The following STEAP1B variants were observed in gnomAD, a reference collection of about 807,000 sequenced individuals.
STEAP1B encodes STEAP family protein MGC87042.
A neutral mutation model predicts 27.9 loss-of-function variants in STEAP1B; 13 were observed. That is an observed-to-expected ratio of 0.47 (90% CI 0.30 to 0.74). The LOEUF is 0.74. Among genes scored for constraint, STEAP1B ranks in the 30% least tolerant of loss-of-function variants. The probability of loss-of-function intolerance (pLI) is 0.06; values close to 1 mark genes in which losing one functional copy is unlikely to be tolerated. For missense variants in STEAP1B, 250 were observed against 298.7 expected, an observed-to-expected ratio of 0.84 and a Z score of 1.20; for synonymous variants, 86 against 107.1, an observed-to-expected ratio of 0.80 and a Z score of 1.22.
intron 4 of STEAP1B, among the ~76,000 whole-genome samples, chr7:22,462,943 A>G (rs1412365652): frequency 1.3e-5 from 2 of 152,220 alleles, no homozygotes; most frequent in Admixed American, 1.3e-4. Flanking sequence ...GTGAGATAGT[A>G]TCTCATTGCG....
intron 4 of STEAP1B, among the ~76,000 whole-genome samples, chr7:22,457,008 T>G (rs1404851791): frequency 2.9e-5 from 4 of 139,704 alleles, no homozygotes; most frequent in African/African-American, 1.1e-4. Context: ...GTGGTTCTGA[T>G]GCATGACAAA....
At chr7:22,465,288 A>C (rs1785757228) in intron 4 of STEAP1B, among the ~76,000 whole-genome samples, 1 of 152,094 alleles carries the variant, frequency 6.6e-6, no homozygotes, top group African/African-American at 2.4e-5. Context: ...TTTCCATGTA[A>C]TATTTTCAGA....
chr7:22,484,204 T>C (rs1424075630), intron 4 of STEAP1B, among the ~76,000 whole-genome samples: 1 of 152,186 alleles, frequency 6.6e-6, no homozygotes, highest in Non-Finnish European at 1.5e-5. Context: ...TAGACAAAAA[T>C]AGCCCTCTTG....
chr7:22,454,866 T>TATGTATATATATA lies in STEAP1B; in HGVS notation c.763-35031_763-35030insTATATATATACAT, dbSNP rs58504014. Among the ~76,000 whole-genome samples, 441 of 57,044 alleles carry TATGTATATATATA rather than the reference T, an allele frequency of 7.7e-3. 3 individuals carry two copies. Among genetic ancestry groups the TATGTATATATATA allele is most frequent in the Non-Finnish European group, 0.012 (337 of 27,128 alleles). The allele number at this position is 57,044 out of a possible 152,430, so 37.4% of individuals were successfully genotyped here. On this transcript the variant is annotated intron_variant, in intron 4 of 4. Transcript: ENST00000678116. ...ATATATATGTATATATATATATATA[T>TATGTATATATATA]TTTTTTTTTTTTTTGAGACAGAGTC...
At chr7:22,498,048 T>G (rs1324652520) in intron 1 of STEAP1B, among the ~76,000 whole-genome samples, 1 of 152,130 alleles carries the variant, frequency 6.6e-6, no homozygotes, top group African/African-American at 2.4e-5. Context: ...ATGTGCAGTT[T>G]GCAATAGGGT....
chr7:22,486,137 T>C (rs906177092), intron 4 of STEAP1B, among the ~76,000 whole-genome samples: 8 of 151,222 alleles, frequency 5.3e-5, no homozygotes, highest in African/African-American at 1.7e-4. Flanking sequence ...AGGGCACACA[T>C]CGTTGCTTTT....
chr7:22,480,770 C>T (rs73085119), intron 4 of STEAP1B, among the ~76,000 whole-genome samples: 14,496 of 152,200 alleles, frequency 0.095, 772 homozygotes, highest in Non-Finnish European at 0.12. Context: ...TATCTCCCGT[C>T]AGAAACCATG....
At chr7:22,454,012 A>G (rs1349063464) in intron 4 of STEAP1B, among the ~76,000 whole-genome samples, 2 of 152,232 alleles carry the variant, frequency 1.3e-5, no homozygotes, top group East Asian at 1.9e-4. Flanking sequence ...ATTCTTGGAC[A>G]TGTCTTTTGG....
At chr7:22,438,056 T>A (rs1442086628) in intron 4 of STEAP1B, among the ~76,000 whole-genome samples, 1 of 152,212 alleles carries the variant, frequency 6.6e-6, no homozygotes, top group Non-Finnish European at 1.5e-5. Flanking sequence ...ATTCCATAGG[T>A]TTCTTTTTCA....
chr7:22,488,967 A>C (rs1786269946), intron 4 of STEAP1B, among the ~76,000 whole-genome samples: 1 of 152,230 alleles, frequency 6.6e-6, no homozygotes, highest in African/African-American at 2.4e-5. Context: ...GGAGTTGCAA[A>C]GACCGGATGC....
chr7:22,452,197 A>G (rs1277773089), intron 4 of STEAP1B, among the ~76,000 whole-genome samples: 1 of 152,202 alleles, frequency 6.6e-6, no homozygotes, highest in Non-Finnish European at 1.5e-5. Flanking sequence ...GTAAGTAAGG[A>G]AAGACTCTGG....
At chr7:22,445,392 C>G (rs1487531202) in intron 4 of STEAP1B, among the ~76,000 whole-genome samples, 1 of 152,276 alleles carries the variant, frequency 6.6e-6, no homozygotes, top group Admixed American at 6.5e-5. Context: ...CTGGGCCATG[C>G]CCCTTTGGGC....
intron 4 of STEAP1B, among the ~76,000 whole-genome samples, chr7:22,473,384 T>C (rs1785918997): frequency 6.6e-6 from 1 of 152,218 alleles, no homozygotes; most frequent in African/African-American, 2.4e-5. Context: ...AGGTGGGTTA[T>C]GCCAAATAAG....
At chr7:22,449,138 A>G (rs901298137) in intron 4 of STEAP1B, among the ~76,000 whole-genome samples, 20 of 152,162 alleles carry the variant, frequency 1.3e-4, no homozygotes, top group African/African-American at 4.8e-4. Flanking sequence ...TGTGTTACAA[A>G]CAATCCGATT....
chr7:22,469,386 A>T (rs770676304), intron 4 of STEAP1B, among the ~76,000 whole-genome samples: 23 of 152,216 alleles, frequency 1.5e-4, no homozygotes, highest in Non-Finnish European at 3.2e-4. Context: ...TTATTGAAGA[A>T]TGTTTTTTAT....
At chr7:22,438,872 G>A (rs1785290434) in intron 4 of STEAP1B, 2 of 1,218,564 alleles carry the variant, frequency 1.6e-6, no homozygotes, top group African/African-American at 1.5e-5. Flanking sequence ...TATAAAATGG[G>A]ATAAAATCTC....
At chr7:22,461,062 C>T (rs1785670618) in intron 4 of STEAP1B, among the ~76,000 whole-genome samples, 1 of 152,140 alleles carries the variant, frequency 6.6e-6, no homozygotes, top group African/African-American at 2.4e-5. Flanking sequence ...GTGTCAGCTC[C>T]ACAATACGGA....
intron 4 of STEAP1B, among the ~76,000 whole-genome samples, chr7:22,450,021 C>G (rs1344846081): frequency 6.6e-6 from 1 of 152,080 alleles, no homozygotes; most frequent in Non-Finnish European, 1.5e-5. Context: ...GTTTGAGCTC[C>G]TTTTATATTC....
At chr7:22,459,482 G>A (rs1377923242) in intron 4 of STEAP1B, among the ~76,000 whole-genome samples, 1 of 152,138 alleles carries the variant, frequency 6.6e-6, no homozygotes, top group Non-Finnish European at 1.5e-5. Context: ...TGGGTACCAC[G>A]GCCATAAGAC....
Sources: gnomAD v4.1 joint callset for allele counts (sites outside exome capture counted in the v4.1 genomes callset) on GRCh38, gnomAD v4.1.1 for gene constraint, MANE v1.5 for transcripts, NCBI Gene and HGNC (gene_info 2026-07-23, HGNC 2026-07-21) for gene names.